The following NFX1 variants were observed in gnomAD, a reference collection of about 807,000 sequenced individuals.
The protein encoded by NFX1 is transcriptional repressor NF-X1.
NFX1 carries 69 observed loss-of-function variants against 137.2 expected under a neutral mutation model. The ratio of observed to expected loss-of-function variants is 0.50; its 90% CI spans 0.41 to 0.61. NFX1 has a LOEUF of 0.61. NFX1 is among the 20% of genes least tolerant of loss of function. The pLI, the probability that NFX1 is intolerant of heterozygous loss-of-function variation, is 0.00. For missense variants in NFX1, 1,167 were observed against 1,391.0 expected, an observed-to-expected ratio of 0.84 and a Z score of 2.56; for synonymous variants, 495 against 474.1, an observed-to-expected ratio of 1.04 and a Z score of -0.57.
intron 9 of NFX1, among the ~76,000 whole-genome samples, chr9:33,320,265 G>A (rs1199812467): frequency 6.6e-6 from 1 of 151,892 alleles, no homozygotes; most frequent in Non-Finnish European, 1.5e-5. Flanking sequence ...ATGCCCGGCT[G>A]GATGAATATT....
intron 12 of NFX1, among the ~76,000 whole-genome samples, chr9:33,342,163 A>G (rs966248504): frequency 4.8e-5 from 7 of 145,828 alleles, no homozygotes; most frequent in African/African-American, 1.8e-4. Context: ...ATGTAAAAAT[A>G]AAATATATTT....
chr9:33,297,419 C>T lies in NFX1; in HGVS notation c.1033+1992C>T, dbSNP rs541146496. Among the ~76,000 whole-genome samples the T allele has an allele frequency of 2.0e-5, 3 of 152,298 alleles. No homozygotes were observed. In the South Asian group the frequency reaches 6.2e-4, roughly 32 times the overall value. On this transcript the variant is annotated intron_variant, in intron 2 of 23. Transcript: ENST00000379540. Reference sequence around the variant, plus strand: ...TGTTATACCAGAGTTGTTACTGAATCCTTAAGGCTGGTTAATAATTACCTC... The same window carrying T: ...TGTTATACCAGAGTTGTTACTGAATTCTTAAGGCTGGTTAATAATTACCTC...
At chr9:33,342,482 T>A (rs1823263418) in intron 12 of NFX1, among the ~76,000 whole-genome samples, 1 of 152,140 alleles carries the variant, frequency 6.6e-6, no homozygotes. Context: ...TATGTATGTA[T>A]CAAATATATG....
At chr9:33,344,385 C>A (rs1299790202) in intron 14 of NFX1, among the ~76,000 whole-genome samples, 197 bp downstream of exon 14, 1 of 152,182 alleles carries the variant, frequency 6.6e-6, no homozygotes, top group Non-Finnish European at 1.5e-5. Flanking sequence ...TTGGTTTACT[C>A]TAGGGATGTC....
At chr9:33,329,068 A>T (rs1472315356) in intron 10 of NFX1, among the ~76,000 whole-genome samples, 1 of 152,234 alleles carries the variant, frequency 6.6e-6, no homozygotes, top group Non-Finnish European at 1.5e-5. Context: ...TCATGGTTAG[A>T]GCTTTACTAC....
intron 19 of NFX1, among the ~76,000 whole-genome samples, chr9:33,356,115 C>A (rs1021414770): frequency 6.6e-6 from 1 of 152,190 alleles, no homozygotes; most frequent in Non-Finnish European, 1.5e-5. Flanking sequence ...GGATAATTCC[C>A]ATTGCTGTAC....
Position 33,294,632 on chromosome 9 carries a change from C to T in NFX1, c.238C>T (p.Pro80Ser). 6.2e-7 allele frequency: 1 copy of T among 1,614,164 alleles called. No homozygotes were observed. The highest frequency in any genetic ancestry group is 1.1e-5 in the South Asian group (1 of 91,082). ...QHSYHPSGSK[P>S]KSQQTSFQSS... is the part of the protein sequence containing the mutation. Reference sequence around the variant, plus strand: ...TAGTTATCATCCGTCAGGAAGCAAACCTAAGAGTCAGCAGACGTCTTTCCA... The same window carrying T: ...TAGTTATCATCCGTCAGGAAGCAAATCTAAGAGTCAGCAGACGTCTTTCCA... Residue 80 changes from proline to serine, a missense_variant, in exon 2 of 24, where the codon CCT becomes TCT. Physicochemically the swap from Pro to Ser is moderately conservative, Grantham distance 74. Coordinates refer to ENST00000379540, the MANE Select transcript of NFX1 (RefSeq NM_002504.6).
rs749119528 is a variant in NFX1 at position 33,311,092 on chromosome 9, C to G, written c.1377-14C>G. 2.5e-6 allele frequency: 4 copies of G among 1,613,902 alleles called. No homozygotes were observed. In the South Asian group the frequency reaches 4.4e-5, roughly 18 times the overall value. On this transcript the variant is annotated splice_polypyrimidine_tract_variant and intron_variant, in intron 5 of 23. Coordinates refer to ENST00000379540, the MANE Select transcript of NFX1 (RefSeq NM_002504.6). ...CATGGCTGTGGTTTATTCAGTGAAA[C>G]CTTTCTCTTTCAGTCTCTGCCATCC...
chr9:33,310,630 T>A lies in NFX1; in HGVS notation c.1377-476T>A, dbSNP rs567267087. On this transcript the variant is annotated intron_variant, in intron 5 of 23. Coordinates refer to ENST00000379540, the MANE Select transcript of NFX1 (RefSeq NM_002504.6). ...GCCTTCTTTTCACTGTTCCATTGTTTGCCCAGTGCCTGATTATTACTTCAC... is the reference window on the plus strand; with the variant it reads ...GCCTTCTTTTCACTGTTCCATTGTTAGCCCAGTGCCTGATTATTACTTCAC... Among the ~76,000 whole-genome samples, 15 of 152,304 alleles carry A rather than the reference T, an allele frequency of 9.8e-5. No individual in the cohort carries two copies. In the South Asian group the frequency reaches 1.0e-3, roughly 11 times the overall value.
chr9:33,310,348 A>T (rs1053404403), intron 5 of NFX1, among the ~76,000 whole-genome samples: 1 of 152,166 alleles, frequency 6.6e-6, no homozygotes, highest in Non-Finnish European at 1.5e-5. Flanking sequence ...AGTTCCCAAA[A>T]TGTTTTAAGT....
At chr9:33,295,488 C>A in intron 2 of NFX1, 61 bp downstream of exon 2, 1 of 1,448,314 alleles carries the variant, frequency 6.9e-7, no homozygotes, top group South Asian at 1.4e-5. Context: ...TTAAATAAGT[C>A]ATATATTCAC....
intron 9 of NFX1, among the ~76,000 whole-genome samples, chr9:33,327,522 G>C (rs1268003741): frequency 6.6e-6 from 1 of 151,974 alleles, no homozygotes; most frequent in Admixed American, 6.6e-5. Flanking sequence ...GCGCCACCAC[G>C]CCTGGCTAAT....
intron 16 of NFX1, among the ~76,000 whole-genome samples, chr9:33,352,090 T>C (rs572252801): frequency 1.3e-5 from 2 of 152,300 alleles, no homozygotes; most frequent in African/African-American, 4.8e-5. Flanking sequence ...ATAAATGTCT[T>C]TTGTGCAAGA....
chr9:33,324,868 G>A (rs1564121063), intron 9 of NFX1, among the ~76,000 whole-genome samples: 1 of 151,474 alleles, frequency 6.6e-6, no homozygotes, highest in Non-Finnish European at 1.5e-5. Flanking sequence ...GGCGGAGGTT[G>A]CAGTGAGCTG....
chr9:33,297,132 G>A (rs993151262), intron 2 of NFX1, among the ~76,000 whole-genome samples: 1 of 152,064 alleles, frequency 6.6e-6, no homozygotes, highest in Non-Finnish European at 1.5e-5. Context: ...TCTCCTTACT[G>A]CAAATCAGCT....
At chr9:33,339,540 C>T (rs1215534696) in intron 12 of NFX1, among the ~76,000 whole-genome samples, 1 of 152,160 alleles carries the variant, frequency 6.6e-6, no homozygotes, top group Admixed American at 6.5e-5. Flanking sequence ...CTGCCCCTGG[C>T]CCCTCCCAAA....
At chr9:33,301,486 C>T in intron 3 of NFX1, 65 bp downstream of exon 3, 2 of 1,500,200 alleles carry the variant, frequency 1.3e-6, no homozygotes, top group Non-Finnish European at 1.8e-6. Flanking sequence ...TATTATTAAG[C>T]CCAGCTTTAA....
intron 13 of NFX1, 142 bp downstream of exon 13, chr9:33,342,996 A>T (rs779867888): frequency 1.7e-4 from 107 of 618,746 alleles, no homozygotes; most frequent in Non-Finnish European, 2.6e-4. Context: ...ACTTTTTTTA[A>T]AGTTACTTCT....
intron 9 of NFX1, among the ~76,000 whole-genome samples, chr9:33,324,797 C>T (rs551123763): frequency 6.6e-5 from 10 of 151,728 alleles, no homozygotes; most frequent in East Asian, 1.9e-4. Context: ...GGTGTGGTGG[C>T]GGGCACCTGT....
Sources: allele counts gnomAD v4.1 joint callset (sites outside exome capture counted in the v4.1 genomes callset), GRCh38; gene constraint gnomAD v4.1.1; transcripts MANE v1.5; gene names NCBI Gene and HGNC (gene_info 2026-07-23, HGNC 2026-07-21).